TNFSF4: variants seen among roughly 807,000 people sequenced by gnomAD.
The protein encoded by TNFSF4 is tumor necrosis factor ligand superfamily member 4.
A neutral mutation model predicts 7.3 loss-of-function variants in TNFSF4; 4 were observed. That is an observed-to-expected ratio of 0.55 (90% CI 0.27 to 1.25). TNFSF4 has a LOEUF of 1.25. Ranked by LOEUF, TNFSF4 falls within the 50% of genes most tolerant of loss-of-function variation. The probability of loss-of-function intolerance (pLI) is 0.12; values close to 1 mark genes in which losing one functional copy is unlikely to be tolerated. For synonymous variants in TNFSF4, 76 were observed against 83.7 expected, an observed-to-expected ratio of 0.91 and a Z score of 0.50; for missense variants, 181 against 208.8, an observed-to-expected ratio of 0.87 and a Z score of 0.82.
the TNFSF4 span, among the ~76,000 whole-genome samples, chr1:173,267,989 C>T: frequency 6.6e-6 from 1 of 151,962 alleles, no homozygotes; most frequent in Non-Finnish European, 1.5e-5. Flanking sequence ...ATAGAGGTCA[C>T]AAAAAAATTT....
At chr1:173,280,682 CTTACT>C in the TNFSF4 span, among the ~76,000 whole-genome samples, 2 of 152,086 alleles carry the variant, frequency 1.3e-5, no homozygotes, top group East Asian at 1.9e-4. Context: ...CTTCCAATAC[CTTACT>C]TTAAAGCAAA....
the TNFSF4 span, among the ~76,000 whole-genome samples, chr1:173,327,592 G>T: frequency 6.6e-6 from 1 of 150,970 alleles, no homozygotes; most frequent in Non-Finnish European, 1.5e-5. Context: ...GAAAATTTTC[G>T]CAACCTACTC....
In TNFSF4 at chr1:173,188,522, G is replaced by A. The variant is rs759774389; in HGVS notation, c.201C>T (p.Thr67=). 82 of 1,607,824 alleles carry A rather than the reference G, an allele frequency of 5.1e-5. No homozygotes were observed. The highest frequency in any genetic ancestry group is 1.6e-4 in the Middle Eastern group (1 of 6,072). The change falls in exon 2 of 3, where the codon ACC becomes ACT. Residue 67 remains threonine (T), a splice_region_variant and synonymous_variant. Coordinates refer to ENST00000281834, the MANE Select transcript of TNFSF4 (RefSeq NM_003326.5). ...AATTAAACTTTTGACAATACTTACC[G>A]GTAAATTGTACTTTGATACTTTGAA... ...PRIQSIKVQF[T]EYKKEKGFIL...
chr1:173,247,802 G>A, the TNFSF4 span, among the ~76,000 whole-genome samples: 3 of 152,258 alleles, frequency 2.0e-5, no homozygotes, highest in African/African-American at 7.2e-5. Context: ...TCCCTACTAT[G>A]TGCCAAGCTT....
chr1:173,178,680 T>C, the TNFSF4 span, among the ~76,000 whole-genome samples: 706 of 152,372 alleles, frequency 4.6e-3, 4 homozygotes, highest in Non-Finnish European at 7.3e-3. Flanking sequence ...AATATGTTAT[T>C]CTGTTTCCTT....
chr1:173,393,144 TA>T, the TNFSF4 span, among the ~76,000 whole-genome samples: 1 of 152,098 alleles, frequency 6.6e-6, no homozygotes, highest in Admixed American at 6.6e-5. Flanking sequence ...ACCAAGCTCC[TA>T]AAATGTGTGG....
the TNFSF4 span, among the ~76,000 whole-genome samples, chr1:173,350,330 C>T: frequency 1.3e-5 from 2 of 152,180 alleles, no homozygotes; most frequent in Non-Finnish European, 2.9e-5. Context: ...CACAATTCAA[C>T]TCACATGCCC....
the TNFSF4 span, among the ~76,000 whole-genome samples, chr1:173,407,045 C>A: frequency 0.66 from 100,203 of 151,796 alleles, 33,070 homozygotes; most frequent in South Asian, 0.72. Context: ...GGGTGACTGC[C>A]TCACTCGGTG....
the TNFSF4 span, among the ~76,000 whole-genome samples, chr1:173,419,908 G>A: frequency 3.9e-5 from 6 of 152,066 alleles, no homozygotes; most frequent in Non-Finnish European, 1.5e-5. Context: ...TGTGTGGCGG[G>A]GGGGGGGATG....
the TNFSF4 span, among the ~76,000 whole-genome samples, chr1:173,297,281 T>TG: frequency 1.3e-5 from 2 of 151,690 alleles, no homozygotes; most frequent in Non-Finnish European, 1.5e-5. Context: ...TAAGAAATCT[T>TG]GGGGGGCAAG....
chr1:173,186,403 C>A lies in TNFSF4; in HGVS notation c.*113G>T. ...GGCCAGGATCTGCTTCTTGTCACAT[C>A]CCACGTGGCTGAGCTGGGAGGCTCC... On this transcript the variant is annotated 3_prime_UTR_variant, in exon 3 of 3. Coordinates refer to ENST00000281834, the MANE Select transcript of TNFSF4 (RefSeq NM_003326.5). 1.2e-6 allele frequency: 1 copy of A among 828,002 alleles called. No homozygotes were observed. Among genetic ancestry groups the A allele is most frequent in the South Asian group, 1.8e-5 (1 of 55,126 alleles). The allele number at this position is 828,002 out of a possible 1,614,324, so 51.3% of individuals were successfully genotyped here.
the TNFSF4 span, among the ~76,000 whole-genome samples, chr1:173,296,335 C>T: frequency 2.0e-5 from 3 of 151,862 alleles, no homozygotes; most frequent in Non-Finnish European, 4.4e-5. Context: ...TATTAAAGTC[C>T]TAATATATAG....
the TNFSF4 span, among the ~76,000 whole-genome samples, chr1:173,420,021 C>T: frequency 4.6e-5 from 7 of 152,098 alleles, no homozygotes; most frequent in African/African-American, 1.4e-4. Flanking sequence ...ATGCATTTAA[C>T]GCATGTTTAT....
At chr1:173,310,017 T>A in the TNFSF4 span, among the ~76,000 whole-genome samples, 1 of 151,916 alleles carries the variant, frequency 6.6e-6, no homozygotes, top group Non-Finnish European at 1.5e-5. Flanking sequence ...AGTTCTGTAC[T>A]AATGTCACCT....
At chr1:173,265,351 C>A in the TNFSF4 span, among the ~76,000 whole-genome samples, 415 of 152,218 alleles carry the variant, frequency 2.7e-3, 3 homozygotes, top group African/African-American at 9.6e-3. Context: ...TTGTGACTAC[C>A]CCTAGGAAAG....
chr1:173,204,444 C>T (rs926016291), intron 1 of TNFSF4, among the ~76,000 whole-genome samples: 1 of 152,006 alleles, frequency 6.6e-6, no homozygotes, highest in Non-Finnish European at 1.5e-5. Context: ...AAAACAGAGG[C>T]TACTAAATAA....
the TNFSF4 span, among the ~76,000 whole-genome samples, chr1:173,388,002 T>C: frequency 6.6e-6 from 1 of 152,222 alleles, no homozygotes; most frequent in African/African-American, 2.4e-5. Flanking sequence ...TATGACACTT[T>C]ACTGAACTTC....
chr1:173,223,172 A>G, the TNFSF4 span, among the ~76,000 whole-genome samples: 1 of 152,316 alleles, frequency 6.6e-6, no homozygotes, highest in South Asian at 2.1e-4. Context: ...TAAATGTGGG[A>G]AAGAGTGTAA....
At chr1:173,367,323 G>A in the TNFSF4 span, among the ~76,000 whole-genome samples, 644 of 152,242 alleles carry the variant, frequency 4.2e-3, 4 homozygotes, top group African/African-American at 0.014. Flanking sequence ...TACAGCCTCC[G>A]AACCTATCTC....
Sources: gnomAD v4.1 joint callset for allele counts (sites outside exome capture counted in the v4.1 genomes callset) on GRCh38, gnomAD v4.1.1 for gene constraint, MANE v1.5 for transcripts, NCBI Gene and HGNC (gene_info 2026-07-23, HGNC 2026-07-21) for gene names.